The following PCDHGA12 variants were observed in gnomAD, a reference collection of about 807,000 sequenced individuals.
PCDHGA12 encodes protocadherin gamma subfamily A, 12.
In PCDHGA12, 43 loss-of-function variants were observed where a neutral mutation model predicts 61.1. That is an observed-to-expected ratio of 0.70 (90% CI 0.55 to 0.91). The LOEUF (loss-of-function observed/expected upper bound fraction) is 0.91, where lower values mean the gene tolerates loss of function less well. Among genes scored for constraint, PCDHGA12 ranks in the 40% least tolerant of loss-of-function variants. PCDHGA12 has a pLI of 0.00. For synonymous variants in PCDHGA12, 520 were observed against 542.9 expected (o/e 0.96, Z 0.59); for missense variants, 1,236 against 1,227.7 (o/e 1.01, Z -0.10).
At chr5:141,494,972 C>T (rs1005793988) in intron 2 of PCDHGA12, 107 bp downstream of exon 2, 69 of 1,581,734 alleles carry the variant, frequency 4.4e-5, no homozygotes, top group Non-Finnish European at 5.9e-5. Context: ...TGGCTTCTCC[C>T]TCAGTTTGAG....
chr5:141,509,719 C>G (rs2099877973), intron 3 of PCDHGA12, among the ~76,000 whole-genome samples: 1 of 152,152 alleles, frequency 6.6e-6, no homozygotes, highest in Non-Finnish European at 1.5e-5. Flanking sequence ...TGTCTGATGT[C>G]ACCTAGCTGT....
rs2097461148 is a variant in PCDHGA12 at position 141,432,174 on chromosome 5, T to C, written c.1415T>C (p.Val472Ala). ...PENNPRGVSL[V>A]SVTAHDPDCE... ...AACAATCCCAGAGGAGTTTCCCTCGTCTCTGTGACCGCCCACGACCCCGAC... is the reference window on the plus strand; with the variant it reads ...AACAATCCCAGAGGAGTTTCCCTCGCCTCTGTGACCGCCCACGACCCCGAC... The change falls in exon 1 of 4, where the codon GTC becomes GCC. Residue 472 changes from valine to alanine, a missense_variant. Physicochemically the swap from Val to Ala is moderately conservative, Grantham distance 64. Transcript: ENST00000252085. The surrounding 1 kb of genome is among the most constrained non-coding windows in gnomAD (Gnocchi z 6.0). 1 of 1,614,088 alleles carries C rather than the reference T, an allele frequency of 6.2e-7. No homozygotes were observed. Among genetic ancestry groups the C allele is most frequent in the Non-Finnish European group, 8.5e-7 (1 of 1,180,022 alleles).
In PCDHGA12 at chr5:141,431,878, C is replaced by T. The variant is rs2097425306; in HGVS notation, c.1119C>T (p.Asp373=). The T allele has an allele frequency of 1.2e-6, 2 of 1,614,054 alleles. No individual in the cohort carries two copies. The highest frequency in any genetic ancestry group is 1.7e-5 in the Admixed American group (1 of 60,010). ...TAATTGCCCTTTTAAATGTAAATGACCAAGATTCTGAGGAAAACGGACAGG... is the reference window on the plus strand; with the variant it reads ...TAATTGCCCTTTTAAATGTAAATGATCAAGATTCTGAGGAAAACGGACAGG... ...GTLIALLNVN[D]QDSEENGQVI... The change falls in exon 1 of 4, where the codon GAC becomes GAT. Residue 373 remains aspartate, a synonymous_variant. Transcript: ENST00000252085. The surrounding 1 kb of genome is among the most constrained non-coding windows in gnomAD (Gnocchi z 4.8).
Position 141,487,544 on chromosome 5 carries a change from C to A in PCDHGA12, c.2425-7263C>A. 1 of 1,614,190 alleles carries A rather than the reference C, an allele frequency of 6.2e-7. No homozygotes were observed. The highest frequency in any genetic ancestry group is 1.1e-5 in the South Asian group (1 of 91,088). On this transcript the variant is annotated intron_variant, in intron 1 of 3. Transcript: ENST00000252085. This position sits in a 1 kb window ranked among gnomAD's most constrained non-coding sequence, Gnocchi z 5.0. ...TGATAGCTTCATGATGGTGAAGTCA[C>A]CCAGTGCACCTATGGCAGGGGAGCC... is the stretch of plus-strand genomic sequence containing the variant.
chr5:141,509,255 T>A (rs1434555633), intron 3 of PCDHGA12, among the ~76,000 whole-genome samples: 1 of 152,158 alleles, frequency 6.6e-6, no homozygotes, highest in African/African-American at 2.4e-5. Flanking sequence ...CCTCTCCGGC[T>A]TTAGTCACTC....
intron 1 of PCDHGA12, among the ~76,000 whole-genome samples, chr5:141,453,360 C>T (rs966238012): frequency 6.6e-6 from 1 of 152,000 alleles, no homozygotes; most frequent in Non-Finnish European, 1.5e-5. Context: ...CCCTGAACTC[C>T]TGGGGTCAAG....
intron 1 of PCDHGA12, among the ~76,000 whole-genome samples, chr5:141,470,717 A>G (rs1353989037): frequency 6.6e-6 from 1 of 152,010 alleles, no homozygotes; most frequent in Non-Finnish European, 1.5e-5. Flanking sequence ...TATTTTTTTG[A>G]GTCAGGGTCT....
intron 1 of PCDHGA12, among the ~76,000 whole-genome samples, chr5:141,473,922 A>T (rs1025156251): frequency 2.0e-5 from 3 of 152,182 alleles, no homozygotes; most frequent in South Asian, 2.1e-4. Flanking sequence ...GAAAACTATG[A>T]GCTGGGTGCA....
In PCDHGA12 at chr5:141,485,636, G is replaced by A. The variant is rs371040974; in HGVS notation, c.2425-9171G>A. The A allele has an allele frequency of 6.2e-7, 1 of 1,611,922 alleles. No homozygotes were observed. The highest frequency in any genetic ancestry group is 1.1e-5 in the South Asian group (1 of 90,964). On this transcript the variant is annotated intron_variant, in intron 1 of 3. Transcript: ENST00000252085. This position sits in a 1 kb window ranked among gnomAD's most constrained non-coding sequence, Gnocchi z 5.7. ...TCCTCCAGGACAGCGTTTCCCGTTG[G>A]AAAAGGCTCAGGATGCAGATGTGGG...
rs1040753474 is a variant in PCDHGA12 at position 141,511,446 on chromosome 5, G to T, written c.*273G>T. 3.1e-6 allele frequency: 2 copies of T among 654,526 alleles called. No individual in the cohort carries two copies. The highest frequency in any genetic ancestry group is 3.7e-5 in the African/African-American group (2 of 54,758). 40.5% of individuals were successfully genotyped at this position (654,526 alleles called of 1,614,324 possible). A position where few individuals can be genotyped will look rare whatever the true frequency, so the allele number is the denominator to read the frequency against. ...GTAGTGGGGTTACTGTAGACACCAA[G>T]AACCATTTGCCACACCCCGTTTAGT... On this transcript the variant is annotated 3_prime_UTR_variant, in exon 4 of 4. Transcript: ENST00000252085.
intron 1 of PCDHGA12, among the ~76,000 whole-genome samples, chr5:141,434,902 C>T (rs1591355042): frequency 6.6e-6 from 1 of 151,934 alleles, no homozygotes; most frequent in East Asian, 1.9e-4. Flanking sequence ...CCCCTTCCCT[C>T]ATACCTTATT....
At chr5:141,447,023 G>GTT (rs5871773) in intron 1 of PCDHGA12, among the ~76,000 whole-genome samples, 2,010 of 151,524 alleles carry the variant, frequency 0.013, 40 homozygotes, top group African/African-American at 0.047. Context: ...GTTTTGTTTT[G>GTT]TTTTTTTTCT....
In PCDHGA12 at chr5:141,511,358, G is replaced by GT; in HGVS notation, c.*187dup. 1 of 1,355,398 alleles carries GT rather than the reference G, an allele frequency of 7.4e-7. No homozygotes were observed. Among genetic ancestry groups the GT allele is most frequent in the South Asian group, 1.5e-5 (1 of 66,198 alleles). 84.0% of individuals were successfully genotyped at this position (1,355,398 alleles called of 1,614,324 possible). On this transcript the variant is annotated 3_prime_UTR_variant, in exon 4 of 4. Transcript: ENST00000252085. ...GCACCTACCCCTTCCCCCCCAGGGG[G>GT]TTGAATATGCAAAAGCAGTTCCGCT...
chr5:141,499,751 A>G (rs1355923543), intron 2 of PCDHGA12, among the ~76,000 whole-genome samples: 2 of 149,258 alleles, frequency 1.3e-5, no homozygotes, highest in Non-Finnish European at 3.0e-5. Flanking sequence ...CTGTGGCACA[A>G]TCTCAGCTCA....
At position 141,491,725 on chromosome 5, in the gene PCDHGA12, G is replaced by A. The variant is rs1008933711; in HGVS notation, c.2425-3082G>A. The A allele has an allele frequency of 6.2e-7, 1 of 1,606,496 alleles. No homozygotes were observed. The highest frequency in any genetic ancestry group is 1.3e-5 in the African/African-American group (1 of 74,728). On this transcript the variant is annotated intron_variant, in intron 1 of 3. Coordinates refer to ENST00000252085, the MANE Select transcript of PCDHGA12 (RefSeq NM_003735.3). The surrounding 1 kb of genome is among the most constrained non-coding windows in gnomAD (Gnocchi z 6.9). ...GGTGAGGGGCTCGGCGCCGCCCCGGGCGACCCCTGGGGGCGGCACTGGAGA... is the reference window on the plus strand; with the variant it reads ...GGTGAGGGGCTCGGCGCCGCCCCGGACGACCCCTGGGGGCGGCACTGGAGA...
chr5:141,470,021 C>T (rs111919483), intron 1 of PCDHGA12, among the ~76,000 whole-genome samples: 8 of 152,156 alleles, frequency 5.3e-5, no homozygotes, highest in African/African-American at 1.9e-4. Flanking sequence ...CCCAGCTACT[C>T]GGGATGCTGA....
chr5:141,432,276 C>G lies in PCDHGA12; in HGVS notation c.1517C>G (p.Ser506Cys), dbSNP rs747589363. Reference protein sequence around the residue: ...IQGASLSSYVSINSDTGVLYA... With the variant: ...IQGASLSSYVCINSDTGVLYA... ...GGGGCAAGCCTATCGTCCTACGTGT[C>G]CATCAACTCCGACACTGGGGTACTG... Residue 506 changes from serine (S) to cysteine (C), a missense_variant, in exon 1 of 4, where the codon TCC becomes TGC. Transcript: ENST00000252085. The surrounding 1 kb of genome is among the most constrained non-coding windows in gnomAD (Gnocchi z 6.0). 6.2e-7 allele frequency: 1 copy of G among 1,614,236 alleles called. No homozygotes were observed. Among genetic ancestry groups the G allele is most frequent in the Non-Finnish European group, 8.5e-7 (1 of 1,180,044 alleles).
chr5:141,490,142 C>T lies in PCDHGA12; in HGVS notation c.2425-4665C>T. On this transcript the variant is annotated intron_variant, in intron 1 of 3. Transcript: ENST00000252085. This position sits in a 1 kb window ranked among gnomAD's most constrained non-coding sequence, Gnocchi z 5.4. ...TTTGGCCTAGACCCTAGCAGTGGGG[C>T]AATCCATGTGTTGGGTCCCATAGAC... 2 of 1,614,220 alleles carry T rather than the reference C, an allele frequency of 1.2e-6. No individual in the cohort carries two copies. Among genetic ancestry groups the T allele is most frequent in the South Asian group, 1.1e-5 (1 of 91,088 alleles).
chr5:141,452,054 C>T (rs578157525), intron 1 of PCDHGA12, among the ~76,000 whole-genome samples: 2 of 152,078 alleles, frequency 1.3e-5, no homozygotes, highest in Admixed American at 1.3e-4. Flanking sequence ...TTTGTAATAA[C>T]TTATTCTACT....
Sources: allele counts gnomAD v4.1 joint callset (sites outside exome capture counted in the v4.1 genomes callset), GRCh38; gene constraint gnomAD v4.1.1; non-coding constraint Gnocchi (gnomAD v3.1); transcripts MANE v1.5; gene names NCBI Gene and HGNC (gene_info 2026-07-23, HGNC 2026-07-21).